SGCZ: variants seen among roughly 807,000 people sequenced by gnomAD.
SGCZ encodes the protein zeta-sarcoglycan.
In SGCZ, 40 loss-of-function variants were observed where a neutral mutation model predicts 41.3. The ratio of observed to expected loss-of-function variants is 0.97; its 90% confidence interval spans 0.75 to 1.26. The LOEUF is 1.26. Among genes scored for constraint, SGCZ ranks in the 50% most tolerant of loss-of-function variants. The pLI, the probability that SGCZ is intolerant of heterozygous loss-of-function variation, is 0.00. For missense variants in SGCZ, 552 were observed against 369.8 expected (o/e 1.49, Z -4.04); for synonymous variants, 206 against 137.5 (o/e 1.50, Z -3.49).
intron 1 of SGCZ, among the ~76,000 whole-genome samples, chr8:14,770,882 A>G (rs1012476587): frequency 6.6e-6 from 1 of 152,174 alleles, no homozygotes; most frequent in Non-Finnish European, 1.5e-5. Context: ...TCAAAACAGA[A>G]TTTAAAAAAA....
Position 14,089,793 on chromosome 8 carries a change from G to A in SGCZ, c.*650C>T, listed in dbSNP as rs7014201. 146,069 of 152,228 alleles carry A rather than the reference G, an allele frequency of 0.96. 70,330 individuals carry two copies. The highest frequency in any genetic ancestry group is 1 in the East Asian group (5,148 of 5,148). 9.4% of individuals were successfully genotyped at this position (152,228 alleles called of 1,614,324 possible). A position where few individuals can be genotyped will look rare whatever the true frequency, so the allele number is the denominator to read the frequency against. On this transcript the variant is annotated 3_prime_UTR_variant, in exon 8 of 8. Transcript: ENST00000382080. The stretch of plus-strand genomic sequence containing the variant: ...TTGCTGAGTGCTTTCAAAATTACCT[G>A]ATGTACAAAATTCTAGACTTAGTAG...
intron 1 of SGCZ, among the ~76,000 whole-genome samples, chr8:15,236,726 G>A (rs1043067224): frequency 6.6e-6 from 1 of 152,180 alleles, no homozygotes; most frequent in Non-Finnish European, 1.5e-5. Context: ...ATAGGCAGAG[G>A]GGCGCGTTGT....
At chr8:14,357,185 A>C (rs1279895508) in intron 2 of SGCZ, among the ~76,000 whole-genome samples, 1 of 152,198 alleles carries the variant, frequency 6.6e-6, no homozygotes, top group Non-Finnish European at 1.5e-5. Flanking sequence ...AAAACCACAG[A>C]TACTTTCAAA....
At chr8:15,137,325 C>T (rs1449958819) in intron 1 of SGCZ, among the ~76,000 whole-genome samples, 1 of 152,136 alleles carries the variant, frequency 6.6e-6, no homozygotes, top group Non-Finnish European at 1.5e-5. Context: ...AATTTGCAGC[C>T]TGACAATGCA....
chr8:14,131,129 T>C (rs1803027980), intron 5 of SGCZ, among the ~76,000 whole-genome samples: 1 of 152,170 alleles, frequency 6.6e-6, no homozygotes, highest in South Asian at 2.1e-4. Context: ...ACTCACTCCT[T>C]GTGTGTCCAC....
At chr8:14,699,778 C>A (rs1809076544) in intron 1 of SGCZ, among the ~76,000 whole-genome samples, 1 of 151,644 alleles carries the variant, frequency 6.6e-6, no homozygotes. Context: ...AAGCAAAAAA[C>A]AAAATTACCA....
At chr8:14,345,210 C>A (rs943849917) in intron 2 of SGCZ, among the ~76,000 whole-genome samples, 1 of 151,970 alleles carries the variant, frequency 6.6e-6, no homozygotes, top group Non-Finnish European at 1.5e-5. Flanking sequence ...AGCGACATGC[C>A]AATTAAACCA....
chr8:14,466,088 C>A (rs1287283495), intron 2 of SGCZ, among the ~76,000 whole-genome samples: 1 of 151,826 alleles, frequency 6.6e-6, no homozygotes, highest in Non-Finnish European at 1.5e-5. Flanking sequence ...AAGTTACTGT[C>A]CAGTTTTCTT....
chr8:14,134,120 G>A (rs1376464427), intron 5 of SGCZ, among the ~76,000 whole-genome samples: 1 of 152,124 alleles, frequency 6.6e-6, no homozygotes, highest in African/African-American at 2.4e-5. Context: ...CATAACAATT[G>A]ACAAATATCT....
chr8:14,162,932 A>G (rs573121563), intron 5 of SGCZ, among the ~76,000 whole-genome samples: 1 of 152,316 alleles, frequency 6.6e-6, no homozygotes, highest in Non-Finnish European at 1.5e-5. Context: ...CTGCACTGGC[A>G]TGATCTTGGC....
At chr8:14,249,935 C>T (rs1799230602) in intron 3 of SGCZ, among the ~76,000 whole-genome samples, 1 of 152,136 alleles carries the variant, frequency 6.6e-6, no homozygotes, top group Non-Finnish European at 1.5e-5. Flanking sequence ...GGTGGGCAAA[C>T]ATTAAGAATA....
chr8:14,405,660 T>G (rs1799192703), intron 2 of SGCZ, among the ~76,000 whole-genome samples: 1 of 152,180 alleles, frequency 6.6e-6, no homozygotes, highest in African/African-American at 2.4e-5. Flanking sequence ...TGCTTTGAGA[T>G]TCTGTGTTTT....
chr8:14,197,549 TA>T lies in SGCZ; in HGVS notation c.425-32848del, dbSNP rs532539333. ...TTCATTAAATTATGCCAGATCAAATTAAAAAAAAACAAATAATTATCTTAGT... is the reference window on the plus strand; with the variant it reads ...TTCATTAAATTATGCCAGATCAAATTAAAAAAAACAAATAATTATCTTAGT... On this transcript the variant is annotated intron_variant, in intron 4 of 7. Coordinates refer to ENST00000382080, the MANE Select transcript of SGCZ (RefSeq NM_139167.4). 8.8e-4 allele frequency among the ~76,000 whole-genome samples: 133 copies of T among 150,904 alleles called. 1 individual carries two copies. Among genetic ancestry groups the T allele is most frequent in the African/African-American group, 2.3e-3 (94 of 41,228 alleles).
intron 3 of SGCZ, among the ~76,000 whole-genome samples, chr8:14,289,733 T>C (rs1186810969): frequency 6.6e-6 from 1 of 151,510 alleles, no homozygotes; most frequent in Non-Finnish European, 1.5e-5. Flanking sequence ...CTTCAATAAA[T>C]GGTGCTAGGA....
At position 14,479,731 on chromosome 8, in the gene SGCZ, C is replaced by CTTTTTTTTTTTTTTTTTT. The variant is rs529812029; in HGVS notation, c.234+74983_234+75000dup. 9.4e-4 allele frequency among the ~76,000 whole-genome samples: 50 copies of CTTTTTTTTTTTTTTTTTT among 52,954 alleles called. 4 individuals are homozygous for CTTTTTTTTTTTTTTTTTT. The highest frequency in any genetic ancestry group is 2.9e-3 in the East Asian group (3 of 1,036). 34.7% of individuals were successfully genotyped at this position (52,954 alleles called of 152,430 possible). A position where few individuals can be genotyped will look rare whatever the true frequency, so the allele number is the denominator to read the frequency against. Reference sequence around the variant, plus strand: ...GTCGCATACCTCCAGAATTCTACTTCTTTTTTTTTTTTTTTTTTTTTTTTT... The same window carrying CTTTTTTTTTTTTTTTTTT: ...GTCGCATACCTCCAGAATTCTACTTCTTTTTTTTTTTTTTTTTTTTTTTTTTTTTTTTTTTTTTTTTTT... On this transcript the variant is annotated intron_variant, in intron 2 of 7. Coordinates refer to ENST00000382080, the MANE Select transcript of SGCZ (RefSeq NM_139167.4).
At chr8:15,125,970 A>G (rs1057212766) in intron 1 of SGCZ, among the ~76,000 whole-genome samples, 5 of 152,104 alleles carry the variant, frequency 3.3e-5, no homozygotes, top group Admixed American at 3.3e-4. Context: ...ATATGGTGAA[A>G]CCCCGTCTCC....
At chr8:14,646,646 C>T (rs1206597428) in intron 1 of SGCZ, among the ~76,000 whole-genome samples, 1 of 149,024 alleles carries the variant, frequency 6.7e-6, no homozygotes, top group Non-Finnish European at 1.5e-5. Flanking sequence ...CTTCTTTCCA[C>T]AGATAATAGT....
At chr8:14,936,106 C>T (rs953619830) in intron 1 of SGCZ, among the ~76,000 whole-genome samples, 1 of 151,756 alleles carries the variant, frequency 6.6e-6, no homozygotes, top group Non-Finnish European at 1.5e-5. Flanking sequence ...GGACAAATTC[C>T]CCCATCACAG....
chr8:14,859,840 T>G (rs528225365), intron 1 of SGCZ, among the ~76,000 whole-genome samples: 1 of 152,336 alleles, frequency 6.6e-6, no homozygotes, highest in African/African-American at 2.4e-5. Flanking sequence ...CTTTTTAATT[T>G]ACTATTGTAC....
Sources: gnomAD v4.1 joint callset for allele counts (sites outside exome capture counted in the v4.1 genomes callset) on GRCh38, gnomAD v4.1.1 for gene constraint, MANE v1.5 for transcripts, NCBI Gene and HGNC (gene_info 2026-07-23, HGNC 2026-07-21) for gene names.